Variants in CSMD1 observed in about 807,000 individuals in gnomAD.
The protein encoded by CSMD1 is CUB and Sushi multiple domains 1, also known as CUB and sushi domain-containing protein 1.
A neutral mutation model predicts 417.5 loss-of-function variants in CSMD1; 213 were observed. That is an observed-to-expected ratio of 0.51 (90% CI 0.46 to 0.57). The LOEUF is 0.57. CSMD1 is among the 20% of genes least tolerant of loss of function. The pLI is 0.00. For missense variants in CSMD1, 6,923 were observed against 4,529.7 expected (o/e 1.53, Z -15.17); for synonymous variants, 2,862 against 1,736.8 (o/e 1.65, Z -16.11).
intron 2 of CSMD1, among the ~76,000 whole-genome samples, chr8:4,441,723 T>C (rs1381688929): frequency 6.6e-6 from 1 of 152,152 alleles, no homozygotes; most frequent in Non-Finnish European, 1.5e-5. Context: ...GTACAGGAGA[T>C]AAATGAAAAT....
intron 7 of CSMD1, among the ~76,000 whole-genome samples, chr8:3,672,952 T>A (rs1299216150): frequency 6.6e-6 from 1 of 152,206 alleles, no homozygotes; most frequent in Non-Finnish European, 1.5e-5. Flanking sequence ...ATCAATAACT[T>A]ATCTCGTTAT....
intron 5 of CSMD1, among the ~76,000 whole-genome samples, chr8:3,878,765 G>C (rs564539585): frequency 6.6e-6 from 1 of 152,112 alleles, no homozygotes; most frequent in Admixed American, 6.6e-5. Flanking sequence ...GGACAGTTAT[G>C]CTTCCTGAGT....
At chr8:4,478,329 T>G (rs1041995715) in intron 2 of CSMD1, among the ~76,000 whole-genome samples, 2 of 152,230 alleles carry the variant, frequency 1.3e-5, no homozygotes, top group Non-Finnish European at 2.9e-5. Flanking sequence ...TGTGACAGTT[T>G]AATTTATTTT....
chr8:4,035,153 C>A (rs1043366587), intron 3 of CSMD1, among the ~76,000 whole-genome samples: 1 of 150,688 alleles, frequency 6.6e-6, no homozygotes, highest in African/African-American at 2.4e-5. Context: ...ACATCGGTCC[C>A]AGGAGATGAT....
intron 1 of CSMD1, among the ~76,000 whole-genome samples, chr8:4,988,580 G>T (rs961982433): frequency 6.6e-6 from 1 of 152,190 alleles, no homozygotes; most frequent in African/African-American, 2.4e-5. Context: ...TTCCTTGGTG[G>T]AATGTTTACA....
At chr8:4,619,006 G>A (rs954607154) in intron 2 of CSMD1, among the ~76,000 whole-genome samples, 24 of 152,174 alleles carry the variant, frequency 1.6e-4, no homozygotes, top group African/African-American at 5.5e-4. Flanking sequence ...TTAAAATACT[G>A]CAATTCTATT....
intron 23 of CSMD1, among the ~76,000 whole-genome samples, chr8:3,317,622 T>G (rs995890829): frequency 4.6e-5 from 7 of 152,252 alleles, no homozygotes; most frequent in African/African-American, 1.7e-4. Context: ...TCTGTGTGAT[T>G]GTGTAAGGAT....
In CSMD1 at chr8:3,409,433, G is replaced by A. The variant is rs906685310; in HGVS notation, c.1734C>T (p.Pro578=). 3.7e-6 allele frequency: 6 copies of A among 1,609,686 alleles called. No homozygotes were observed. Among genetic ancestry groups the A allele is most frequent in the East Asian group, 2.2e-5 (1 of 44,678 alleles). Residue 578 remains proline, a synonymous_variant, in exon 13 of 70, where the codon CCC becomes CCT. Transcript: ENST00000635120. The part of the protein sequence containing the change: ...QQNNQWSGNK[P]SCVFSCFFNF... ...AGGCATAATACTCACATACACAGCT[G>A]GGCTTGTTGCCAGACCACTGATTGT...
chr8:4,903,804 G>T (rs78383323), intron 1 of CSMD1, among the ~76,000 whole-genome samples: 1 of 152,154 alleles, frequency 6.6e-6, no homozygotes, highest in Non-Finnish European at 1.5e-5. Context: ...CCTACTGTTA[G>T]CCTGGCTCTT....
At position 3,376,336 on chromosome 8, in the gene CSMD1, T is replaced by C. The variant is rs564978957; in HGVS notation, c.2783-6966A>G. On this transcript the variant is annotated intron_variant, in intron 18 of 69. Coordinates refer to ENST00000635120, the MANE Select transcript of CSMD1 (RefSeq NM_033225.6). Reference sequence around the variant, plus strand: ...TCAAATGCCAAGAACAACAAATTTGTCTGAAAACATATTTGAATTGGGAAG... The same window carrying C: ...TCAAATGCCAAGAACAACAAATTTGCCTGAAAACATATTTGAATTGGGAAG... Among the ~76,000 whole-genome samples, 12 of 152,216 alleles carry C rather than the reference T, an allele frequency of 7.9e-5. No homozygotes were observed. In the East Asian group the frequency reaches 1.2e-3, roughly 15 times the overall value.
At chr8:4,388,475 T>C (rs1333099086) in intron 3 of CSMD1, among the ~76,000 whole-genome samples, 1 of 151,714 alleles carries the variant, frequency 6.6e-6, no homozygotes, top group African/African-American at 2.4e-5. Flanking sequence ...CATCATATGT[T>C]CTCACTGATA....
At chr8:3,717,491 A>T (rs899441560) in intron 6 of CSMD1, among the ~76,000 whole-genome samples, 2 of 152,160 alleles carry the variant, frequency 1.3e-5, no homozygotes, top group African/African-American at 4.8e-5. Context: ...CGTTCCCCTT[A>T]GTTCAGCTAA....
chr8:4,843,512 C>G lies in CSMD1; in HGVS notation c.85+150820G>C, dbSNP rs553483486. ...AAGTAGCAAAGACTAATCGATCTAA[C>G]TCCCCTATTTCTGCACCTCCAAGTC... On this transcript the variant is annotated intron_variant, in intron 1 of 69. Coordinates refer to ENST00000635120, the MANE Select transcript of CSMD1 (RefSeq NM_033225.6). 6.6e-5 allele frequency among the ~76,000 whole-genome samples: 10 copies of G among 152,266 alleles called. No homozygotes were observed. In the South Asian group the frequency reaches 2.1e-3, roughly 32 times the overall value.
At chr8:4,325,341 C>G (rs1279187640) in intron 3 of CSMD1, among the ~76,000 whole-genome samples, 1 of 152,100 alleles carries the variant, frequency 6.6e-6, no homozygotes, top group African/African-American at 2.4e-5. Context: ...GTGGAGGGTT[C>G]TCTTGTCTAG....
intron 1 of CSMD1, among the ~76,000 whole-genome samples, chr8:4,714,781 G>C (rs896982198): frequency 1.3e-5 from 2 of 152,086 alleles, no homozygotes; most frequent in Non-Finnish European, 2.9e-5. Context: ...ATAATGTTAG[G>C]AAAAATTTGG....
intron 5 of CSMD1, among the ~76,000 whole-genome samples, chr8:3,983,148 T>TTTTTTTTTTTTTA (rs1814024522): frequency 6.6e-6 from 1 of 150,380 alleles, no homozygotes; most frequent in African/African-American, 2.4e-5. Context: ...TTTTTTTTTT[T>TTTTTTTTTTTTTA]GAGACGGACT....
intron 3 of CSMD1, among the ~76,000 whole-genome samples, chr8:4,068,873 T>C (rs1369862595): frequency 6.6e-6 from 1 of 152,216 alleles, no homozygotes; most frequent in Non-Finnish European, 1.5e-5. Flanking sequence ...AGTTAGGCAC[T>C]GCATTATGTA....
At chr8:3,172,279 G>A (rs1308469948) in intron 37 of CSMD1, among the ~76,000 whole-genome samples, 1 of 151,974 alleles carries the variant, frequency 6.6e-6, no homozygotes, top group Non-Finnish European at 1.5e-5. Flanking sequence ...AAATGTGCTG[G>A]GTTCTTTTCC....
At position 3,655,795 on chromosome 8, in the gene CSMD1, C is replaced by A. The variant is rs140937762; in HGVS notation, c.1010-38998G>T. Among the ~76,000 whole-genome samples the A allele has an allele frequency of 2.4e-4, 36 of 151,852 alleles. 3 individuals carry two copies. The South Asian group carries it at 5.0e-3, about 21-fold the overall frequency. ...AGGCAGGAAAGGTAGAGTCTAATAG[C>A]AAGAAAGAAAGTCTTCCAATATTTT... On this transcript the variant is annotated intron_variant, in intron 7 of 69. Transcript: ENST00000635120.
Sources: gnomAD v4.1 joint callset for allele counts (sites outside exome capture counted in the v4.1 genomes callset) on GRCh38, gnomAD v4.1.1 for gene constraint, MANE v1.5 for transcripts, NCBI Gene and HGNC (gene_info 2026-07-23, HGNC 2026-07-21) for gene names.